Variants in SATB2 observed in about 807,000 individuals in gnomAD.
SATB2 encodes DNA-binding protein SATB2.
A neutral mutation model predicts 73.4 loss-of-function variants in SATB2; 1 was observed. That is an observed-to-expected ratio of 0.01 (90% CI 0.00 to 0.06). The LOEUF is 0.06. Ranked by LOEUF, SATB2 falls within the 10% of genes least tolerant of loss-of-function variation. The pLI, the probability that SATB2 is intolerant of heterozygous loss-of-function variation, is 1.00. For missense variants in SATB2, 459 were observed against 945.8 expected, an observed-to-expected ratio of 0.49 and a Z score of 6.75; for synonymous variants, 397 against 367.0, an observed-to-expected ratio of 1.08 and a Z score of -0.93.
chr2:199,343,440 C>CA (rs1178160752), intron 7 of SATB2, among the ~76,000 whole-genome samples: 6 of 152,140 alleles, frequency 3.9e-5, no homozygotes, highest in African/African-American at 1.4e-4. Context: ...TGACTCCACT[C>CA]AAAAAAGTCT....
intron 3 of SATB2, among the ~76,000 whole-genome samples, chr2:199,411,450 T>C (rs994843824): frequency 2.0e-5 from 3 of 152,238 alleles, no homozygotes; most frequent in East Asian, 1.9e-4. Flanking sequence ...CAACGAATAC[T>C]ATTTTAATAT....
upstream of SATB2, chr2:199,468,847 C>G (rs1284639746): frequency 1.3e-5 from 2 of 152,256 alleles, no homozygotes; most frequent in African/African-American, 2.4e-5. Flanking sequence ...ATTTGACATT[C>G]GCAATTATCT....
intron 9 of SATB2, among the ~76,000 whole-genome samples, chr2:199,312,613 G>C (rs74671032): frequency 3.3e-5 from 5 of 152,252 alleles, no homozygotes; most frequent in Non-Finnish European, 7.4e-5. Context: ...ACAAAAGATG[G>C]TCTCTAAGTT....
intron 9 of SATB2, 70 bp downstream of exon 9, chr2:199,323,712 ATTATTATAGGAACAGATGTAT>A (rs1205915430): frequency 7.6e-7 from 1 of 1,308,984 alleles, no homozygotes. Context: ...TACTGTTATT[ATTATTATAGGAACAGATGTAT>A]TTTTATTGGT....
chr2:199,277,104 A>G (rs927419437), intron 10 of SATB2, among the ~76,000 whole-genome samples: 4 of 152,232 alleles, frequency 2.6e-5, no homozygotes, highest in African/African-American at 9.6e-5. Flanking sequence ...TAGGAAAAAC[A>G]AATTAATATA....
intron 6 of SATB2, among the ~76,000 whole-genome samples, chr2:199,355,348 CTATA>C (rs72202602): frequency 0.12 from 16,481 of 134,130 alleles, 2,020 homozygotes; most frequent in South Asian, 0.28. Flanking sequence ...GTGTGTGTAT[CTATA>C]TATATATATA....
At chr2:199,354,304 C>T (rs1434081997) in intron 6 of SATB2, among the ~76,000 whole-genome samples, 11 of 152,012 alleles carry the variant, frequency 7.2e-5, no homozygotes, top group Admixed American at 5.9e-4. Flanking sequence ...TGCAGTGAGT[C>T]GAGATTGTGC....
intron 6 of SATB2, among the ~76,000 whole-genome samples, chr2:199,363,711 G>A (rs190386105): frequency 7.4e-4 from 113 of 152,222 alleles, no homozygotes; most frequent in African/African-American, 2.3e-3. Flanking sequence ...ATCATTTCAC[G>A]TTGTATTAAA....
intron 6 of SATB2, among the ~76,000 whole-genome samples, chr2:199,352,202 T>C (rs960044736): frequency 1.3e-5 from 2 of 152,198 alleles, no homozygotes; most frequent in African/African-American, 4.8e-5. Context: ...TGAAAAAACA[T>C]AGAACCATCC....
intron 10 of SATB2, among the ~76,000 whole-genome samples, chr2:199,306,518 G>C (rs1687437958): frequency 6.6e-6 from 1 of 152,172 alleles, no homozygotes; most frequent in Non-Finnish European, 1.5e-5. Flanking sequence ...ATTTCTCTTA[G>C]TGATATCAGA....
At chr2:199,348,672 T>C (rs2105822743) in intron 7 of SATB2, 29 bp downstream of exon 7, 1 of 1,492,714 alleles carries the variant, frequency 6.7e-7, no homozygotes, top group Non-Finnish European at 9.2e-7. Flanking sequence ...AGTATTACTG[T>C]TAATTACAGT....
chr2:199,397,637 C>A, intron 3 of SATB2: 1 of 232,062 alleles, frequency 4.3e-6, no homozygotes, highest in Non-Finnish European at 8.9e-6. Flanking sequence ...GCCTGTAATC[C>A]CAGTACTTTG....
chr2:199,273,911 A>G lies in SATB2; in HGVS notation c.1741-1239T>C, dbSNP rs183562057. ...GACTTTGTGGAGGGGGAGATGGAAC[A>G]TGAAGTCCTGATGAGGAACTGCAGC... On this transcript the variant is annotated intron_variant, in intron 10 of 10. Transcript: ENST00000417098. Among the ~76,000 whole-genome samples the G allele has an allele frequency of 5.3e-5, 8 of 152,326 alleles. No homozygotes were observed. The East Asian group carries it at 1.4e-3, about 26-fold the overall frequency.
chr2:199,296,751 G>T (rs1687112756), intron 10 of SATB2, among the ~76,000 whole-genome samples: 1 of 152,140 alleles, frequency 6.6e-6, no homozygotes, highest in South Asian at 2.1e-4. Flanking sequence ...AATTCAGAGT[G>T]AAATGCCTCA....
In SATB2 at chr2:199,358,859, A is replaced by C. The variant is rs114158174; in HGVS notation, c.701-9686T>G. 7.1e-3 allele frequency among the ~76,000 whole-genome samples: 1,077 copies of C among 152,242 alleles called. 4 individuals carry two copies. Among genetic ancestry groups the C allele is most frequent in the Non-Finnish European group, 0.011 (719 of 67,992 alleles). On this transcript the variant is annotated intron_variant, in intron 6 of 10. Coordinates refer to ENST00000417098, the MANE Select transcript of SATB2 (RefSeq NM_001172509.2). ...AAAGTGAGCATTATCTACCTTTCTT[A>C]GTCTCCACCCTCTGTACCAGAACAC...
chr2:199,292,391 C>T (rs1227003470), intron 10 of SATB2, among the ~76,000 whole-genome samples: 1 of 152,172 alleles, frequency 6.6e-6, no homozygotes, highest in Non-Finnish European at 1.5e-5. Context: ...GCTTACTCTC[C>T]CCGAATCTGG....
chr2:199,323,721 G>A (rs1687955291), intron 9 of SATB2, 82 bp downstream of exon 9: 9 of 1,333,152 alleles, frequency 6.8e-6, no homozygotes, highest in African/African-American at 1.4e-5. Flanking sequence ...TATTATTATA[G>A]GAACAGATGT....
intron 10 of SATB2, among the ~76,000 whole-genome samples, chr2:199,273,231 T>C (rs1327115444): frequency 6.6e-6 from 1 of 152,206 alleles, no homozygotes; most frequent in Non-Finnish European, 1.5e-5. Flanking sequence ...AAATCAGGGA[T>C]TGGCAAACTT....
At chr2:199,372,467 C>T (rs1433643793) in intron 5 of SATB2, among the ~76,000 whole-genome samples, 1 of 152,042 alleles carries the variant, frequency 6.6e-6, no homozygotes, top group Non-Finnish European at 1.5e-5. Context: ...TTTTAACTCA[C>T]TTGTTTGTTT....
Sources: allele counts gnomAD v4.1 joint callset (sites outside exome capture counted in the v4.1 genomes callset), GRCh38; gene constraint gnomAD v4.1.1; transcripts MANE v1.5; gene names NCBI Gene and HGNC (gene_info 2026-07-23, HGNC 2026-07-21).